The following LINGO2 variants were observed in gnomAD, a reference collection of about 807,000 sequenced individuals.
LINGO2 encodes leucine-rich repeat and immunoglobulin-like domain-containing nogo receptor-interacting protein 2.
Under a neutral mutation model 30.6 loss-of-function variants are expected in LINGO2, and 14 were observed. That is an observed-to-expected ratio of 0.46 (90% CI 0.30 to 0.72). The LOEUF (loss-of-function observed/expected upper bound fraction) is 0.72, where lower values mean the gene tolerates loss of function less well. Among genes scored for constraint, LINGO2 ranks in the 30% least tolerant of loss-of-function variants. The pLI is 0.07. For missense variants in LINGO2, 729 were observed against 751.7 expected (o/e 0.97, Z 0.35); for synonymous variants, 317 against 288.5 (o/e 1.10, Z -1.00).
chr9:28,217,155 A>G (rs1283259534), intron 4 of LINGO2, among the ~76,000 whole-genome samples: 2 of 150,610 alleles, frequency 1.3e-5, no homozygotes, highest in East Asian at 3.9e-4. Context: ...TACATATTAT[A>G]TACTGTATAT....
intron 1 of LINGO2, among the ~76,000 whole-genome samples, chr9:28,503,977 T>A (rs1819998570): frequency 6.6e-6 from 1 of 151,896 alleles, no homozygotes; most frequent in Admixed American, 6.6e-5. Flanking sequence ...TCTCCTGAAA[T>A]TTAGTGGATA....
intron 1 of LINGO2, among the ~76,000 whole-genome samples, chr9:28,540,862 G>A (rs751677555): frequency 4.6e-5 from 7 of 152,118 alleles, no homozygotes; most frequent in Non-Finnish European, 7.4e-5. Flanking sequence ...TTGCCCAGGT[G>A]TACACCAACT....
chr9:28,385,169 G>A (rs1821528549), intron 2 of LINGO2, among the ~76,000 whole-genome samples: 1 of 152,080 alleles, frequency 6.6e-6, no homozygotes, highest in African/African-American at 2.4e-5. Context: ...ATGTTTTTAT[G>A]GCCAATCTTA....
At chr9:28,051,060 A>T (rs1824649217) in intron 4 of LINGO2, among the ~76,000 whole-genome samples, 1 of 150,834 alleles carries the variant, frequency 6.6e-6, no homozygotes, top group African/African-American at 2.5e-5. Flanking sequence ...GCTTTTAGCT[A>T]ACTCCTTTCT....
At chr9:28,916,928 C>T in the LINGO2 span, among the ~76,000 whole-genome samples, 3 of 152,282 alleles carry the variant, frequency 2.0e-5, no homozygotes, top group African/African-American at 7.2e-5. Context: ...AGAACACATC[C>T]ACCAATACTG....
At chr9:28,806,061 G>C in the LINGO2 span, among the ~76,000 whole-genome samples, 291 of 148,710 alleles carry the variant, frequency 2.0e-3, 1 homozygote, top group African/African-American at 7.0e-3. Context: ...GGAATGATGA[G>C]ATTTTCAGTT....
At chr9:28,904,968 T>A in the LINGO2 span, among the ~76,000 whole-genome samples, 1 of 151,760 alleles carries the variant, frequency 6.6e-6, no homozygotes, top group South Asian at 2.1e-4. Context: ...CAAAAATAAA[T>A]CCACGCATTT....
the LINGO2 span, among the ~76,000 whole-genome samples, chr9:29,017,485 C>T: frequency 6.6e-6 from 1 of 152,072 alleles, no homozygotes; most frequent in East Asian, 1.9e-4. Context: ...GTAGTAATAG[C>T]AATATTAAAA....
At chr9:28,016,453 T>A (rs1353314314) in intron 4 of LINGO2, among the ~76,000 whole-genome samples, 1 of 152,208 alleles carries the variant, frequency 6.6e-6, no homozygotes, top group South Asian at 2.1e-4. Context: ...GAGAACTGTA[T>A]CTGACAAATA....
In LINGO2 at chr9:28,148,618, C is replaced by T; in HGVS notation, c.-86-136213G>A. The T allele has an allele frequency of 2.0e-6, 3 of 1,521,040 alleles. No individual in the cohort carries two copies. In the Middle Eastern group the frequency reaches 6.9e-4, roughly 350 times the overall value. 94.2% of individuals were successfully genotyped at this position (1,521,040 alleles called of 1,614,324 possible). On this transcript the variant is annotated intron_variant, in intron 4 of 5. Coordinates refer to ENST00000379992, the Ensembl canonical transcript of LINGO2. The surrounding 1 kb of genome is among the most constrained non-coding windows in gnomAD (Gnocchi z 5.1). The stretch of plus-strand genomic sequence containing the variant: ...ATCCCAGGCCCTTGGAGGGAAATGT[C>T]CACCTCAAGAGCTTGACAGAAAACA...
chr9:28,768,494 C>G, the LINGO2 span, among the ~76,000 whole-genome samples: 1 of 151,950 alleles, frequency 6.6e-6, no homozygotes. Context: ...ATTATTCCCC[C>G]CAAAAGCTCT....
At chr9:27,999,090 A>G (rs1003525793) in intron 5 of LINGO2, among the ~76,000 whole-genome samples, 8 of 152,114 alleles carry the variant, frequency 5.3e-5, no homozygotes, top group Admixed American at 2.6e-4. Context: ...TATAGACCCT[A>G]AACTAAAATA....
chr9:28,442,504 T>TATATAAA (rs1184557798), intron 2 of LINGO2, among the ~76,000 whole-genome samples: 24 of 152,188 alleles, frequency 1.6e-4, no homozygotes, highest in Non-Finnish European at 2.8e-4. Context: ...TGTACTAATG[T>TATATAAA]GCTGTATTTG....
At chr9:28,600,261 T>C (rs188756751) in intron 1 of LINGO2, among the ~76,000 whole-genome samples, 1 of 152,254 alleles carries the variant, frequency 6.6e-6, no homozygotes, top group African/African-American at 2.4e-5. Context: ...GGACTTCTGT[T>C]TGTTTGTTTC....
At chr9:28,838,725 G>A in the LINGO2 span, among the ~76,000 whole-genome samples, 1 of 152,202 alleles carries the variant, frequency 6.6e-6, no homozygotes, top group Non-Finnish European at 1.5e-5. Flanking sequence ...TCTGTGGCCA[G>A]TGGCGCCTTT....
chr9:28,989,789 T>A, the LINGO2 span, among the ~76,000 whole-genome samples: 2 of 152,188 alleles, frequency 1.3e-5, no homozygotes, highest in African/African-American at 4.8e-5. Context: ...TGAGATTAAG[T>A]TTTAGAAAGT....
chr9:28,875,998 A>C, the LINGO2 span, among the ~76,000 whole-genome samples: 2 of 152,118 alleles, frequency 1.3e-5, no homozygotes, highest in African/African-American at 4.8e-5. Context: ...ATTTTCCAAA[A>C]AAAATCAACT....
the LINGO2 span, among the ~76,000 whole-genome samples, chr9:28,725,110 G>A: frequency 0.33 from 50,627 of 151,616 alleles, 9,125 homozygotes; most frequent in Admixed American, 0.45. Context: ...TATTCCATGA[G>A]GCAAACTTTT....
the LINGO2 span, among the ~76,000 whole-genome samples, chr9:29,105,260 C>G: frequency 1.3e-5 from 2 of 152,116 alleles, no homozygotes; most frequent in African/African-American, 2.4e-5. Context: ...TCCACATTAT[C>G]AATCCATGAG....
Sources: gnomAD v4.1 joint callset for allele counts (sites outside exome capture counted in the v4.1 genomes callset) on GRCh38, gnomAD v4.1.1 for gene constraint, Gnocchi (gnomAD v3.1) non-coding constraint, MANE v1.5 for transcripts, NCBI Gene and HGNC (gene_info 2026-07-23, HGNC 2026-07-21) for gene names.